Variants in HSD17B4 observed in about 807,000 individuals in gnomAD.
HSD17B4 encodes peroxisomal multifunctional enzyme type 2.
Under a neutral mutation model 101.0 loss-of-function variants are expected in HSD17B4, and 70 were observed. The ratio of observed to expected loss-of-function variants is 0.69; its 90% CI spans 0.57 to 0.85. HSD17B4 has a LOEUF of 0.85. Ranked by LOEUF, HSD17B4 falls within the 40% of genes least tolerant of loss-of-function variation. The pLI is 0.00. For synonymous variants in HSD17B4, 347 were observed against 297.1 expected, an observed-to-expected ratio of 1.17 and a Z score of -1.73; for missense variants, 984 against 892.4, an observed-to-expected ratio of 1.10 and a Z score of -1.31.
chr5:119,535,629 C>T (rs1754464602), intron 22 of HSD17B4: 1 of 148,752 alleles, frequency 6.7e-6, no homozygotes, highest in South Asian at 2.1e-4. Context: ...AATTTTTAAC[C>T]TGGGTTTTTT....
In HSD17B4 at chr5:119,474,382, A is replaced by G; in HGVS notation, c.221-19A>G. ...AAGGGAGGTTGCCGAAATTTCATAC[A>G]AATTTTCCTTTCCCTCAGATTCAGT... On this transcript the variant is annotated intron_variant, in intron 3 of 23. Coordinates refer to ENST00000510025, the MANE Select transcript of HSD17B4 (RefSeq NM_000414.4). 6.3e-7 allele frequency: 1 copy of G among 1,581,398 alleles called. No individual in the cohort carries two copies. Among genetic ancestry groups the G allele is most frequent in the Non-Finnish European group, 8.7e-7 (1 of 1,150,430 alleles).
chr5:119,485,590 T>C (rs1372668252), intron 8 of HSD17B4, among the ~76,000 whole-genome samples: 1 of 152,190 alleles, frequency 6.6e-6, no homozygotes, highest in Non-Finnish European at 1.5e-5. Flanking sequence ...TATTTTGATC[T>C]GAAGCTTTTC....
intron 2 of HSD17B4, among the ~76,000 whole-genome samples, chr5:119,468,917 A>C (rs1756078781): frequency 6.7e-6 from 1 of 149,626 alleles, no homozygotes; most frequent in Non-Finnish European, 1.5e-5. Context: ...TTGTATTTTT[A>C]AATTTCATTG....
chr5:119,509,743 A>T (rs984114631), intron 16 of HSD17B4, among the ~76,000 whole-genome samples: 2 of 152,192 alleles, frequency 1.3e-5, no homozygotes, highest in African/African-American at 4.8e-5. Context: ...ATTTACCAAC[A>T]TTAAACCCTT....
In HSD17B4 at chr5:119,502,097, G is replaced by A. The variant is rs1468465073; in HGVS notation, c.1261+5G>A. 1 of 1,544,498 alleles carries A rather than the reference G, an allele frequency of 6.5e-7. No homozygotes were observed. Among genetic ancestry groups the A allele is most frequent in the Non-Finnish European group, 9.0e-7 (1 of 1,116,904 alleles). ...ATAAACCACTTCCCAGAGCAGGTGA[G>A]TTATTGATATACTAATTCCATAATA... On this transcript the variant is annotated splice_donor_5th_base_variant and intron_variant, in intron 14 of 23. Transcript: ENST00000510025.
intron 6 of HSD17B4, chr5:119,476,531 T>C (rs888968437): frequency 1.9e-5 from 19 of 980,294 alleles, no homozygotes; most frequent in Non-Finnish European, 2.3e-5. Flanking sequence ...TTATAGAGTG[T>C]GTTTTGGGGG....
At chr5:119,495,558 G>T (rs145547454) in intron 11 of HSD17B4, among the ~76,000 whole-genome samples, 181 of 152,306 alleles carry the variant, frequency 1.2e-3, no homozygotes, top group African/African-American at 4.2e-3. Flanking sequence ...CTTCCCTCTA[G>T]ATAGCAATAT....
intron 17 of HSD17B4, among the ~76,000 whole-genome samples, chr5:119,516,097 A>T (rs577419397): frequency 3.2e-4 from 48 of 152,332 alleles, no homozygotes; most frequent in Non-Finnish European, 4.9e-4. Context: ...TAATCTCATA[A>T]GCCAGAGAGA....
intron 20 of HSD17B4, among the ~76,000 whole-genome samples, 162 bp from the exon 21 acceptor site, chr5:119,529,732 C>T (rs1029760397): frequency 6.6e-6 from 1 of 152,148 alleles, no homozygotes; most frequent in Non-Finnish European, 1.5e-5. Context: ...TATGTTTGTT[C>T]ATCTTGACAT....
chr5:119,497,402 T>G (rs1750747056), intron 12 of HSD17B4, among the ~76,000 whole-genome samples: 1 of 152,226 alleles, frequency 6.6e-6, no homozygotes. Flanking sequence ...TATGCCTGCC[T>G]GGACTGTCTG....
intron 22 of HSD17B4, among the ~76,000 whole-genome samples, chr5:119,534,743 C>T (rs968549280): frequency 6.6e-6 from 1 of 152,028 alleles, no homozygotes; most frequent in African/African-American, 2.4e-5. Flanking sequence ...ATATGCTCTC[C>T]AGTTAGGAAT....
chr5:119,536,905 T>TA (rs1754588340), intron 23 of HSD17B4, among the ~76,000 whole-genome samples: 1 of 152,170 alleles, frequency 6.6e-6, no homozygotes, highest in South Asian at 2.1e-4. Context: ...TTTAACCTAA[T>TA]AGCCCATGTC....
intron 2 of HSD17B4, among the ~76,000 whole-genome samples, chr5:119,473,273 C>CTTTTTT (rs11408993): frequency 3.2e-4 from 12 of 36,948 alleles, no homozygotes; most frequent in East Asian, 1.3e-3. Flanking sequence ...GTGGATGAAT[C>CTTTTTT]TTTTTTTTTT....
intron 2 of HSD17B4, among the ~76,000 whole-genome samples, chr5:119,471,482 A>G (rs746431368): frequency 1.3e-5 from 2 of 152,034 alleles, no homozygotes; most frequent in Non-Finnish European, 2.9e-5. Context: ...TATTTATCCA[A>G]TTCCACTTTC....
At chr5:119,508,172 G>A (rs1378943311) in intron 15 of HSD17B4, among the ~76,000 whole-genome samples, 3 of 150,562 alleles carry the variant, frequency 2.0e-5, no homozygotes, top group East Asian at 1.9e-4. Flanking sequence ...CCAACACTTG[G>A]CTACTATTCT....
intron 1 of HSD17B4, 37 bp from the exon 2 acceptor site, chr5:119,456,278 A>G (rs772483576): frequency 5.9e-6 from 9 of 1,513,276 alleles, no homozygotes; most frequent in Admixed American, 1.7e-5. Flanking sequence ...TTATGCTGAC[A>G]TTTCTTCAAC....
At chr5:119,500,727 C>T (rs1751080295) in intron 13 of HSD17B4, among the ~76,000 whole-genome samples, 1 of 151,964 alleles carries the variant, frequency 6.6e-6, no homozygotes, top group South Asian at 2.1e-4. Flanking sequence ...TACAGAGGAA[C>T]TAGCAAAAAG....
chr5:119,462,576 C>T (rs1297997296), intron 2 of HSD17B4, among the ~76,000 whole-genome samples: 1 of 152,008 alleles, frequency 6.6e-6, no homozygotes, highest in African/African-American at 2.4e-5. Flanking sequence ...ATTATTATTA[C>T]TACTAGAATT....
intron 20 of HSD17B4, 142 bp downstream of exon 20, chr5:119,527,361 G>A (rs756300064): frequency 1.6e-6 from 1 of 610,110 alleles, no homozygotes; most frequent in African/African-American, 1.9e-5. Flanking sequence ...CAGCTTGTCT[G>A]GTGTTTTCAA....
Sources: gnomAD v4.1 joint callset for allele counts (sites outside exome capture counted in the v4.1 genomes callset) on GRCh38, gnomAD v4.1.1 for gene constraint, MANE v1.5 for transcripts, NCBI Gene and HGNC (gene_info 2026-07-23, HGNC 2026-07-21) for gene names.